The following GLYATL1B variants were observed in gnomAD, a reference collection of about 807,000 sequenced individuals.
The protein encoded by GLYATL1B is putative glycine N-acyltransferase-like protein 1B.
A neutral mutation model predicts 5.5 loss-of-function variants in GLYATL1B; 6 were observed. That is an observed-to-expected ratio of 1.09 (90% confidence interval 0.60 to 2.15). The LOEUF (loss-of-function observed/expected upper bound fraction) is 2.15, where lower values mean the gene tolerates loss of function less well. GLYATL1B is among the 30% of genes most tolerant of loss of function. The pLI, the probability that GLYATL1B is intolerant of heterozygous loss-of-function variation, is 0.00. For missense variants in GLYATL1B, 135 were observed against 94.1 expected, an observed-to-expected ratio of 1.43 and a Z score of -1.80; for synonymous variants, 67 against 34.9, an observed-to-expected ratio of 1.92 and a Z score of -3.24.
At chr11:59,091,202 C>T (rs1017140812) in intron 2 of GLYATL1B, among the ~76,000 whole-genome samples, 1 of 152,082 alleles carries the variant, frequency 6.6e-6, no homozygotes, top group Non-Finnish European at 1.5e-5. Flanking sequence ...CAGTAACTCT[C>T]TTTTTGTTAT....
At chr11:59,086,450 C>T (rs960539145) in intron 1 of GLYATL1B, 66 bp downstream of exon 1, 6 of 397,372 alleles carry the variant, frequency 1.5e-5, no homozygotes, top group African/African-American at 1.0e-4. Flanking sequence ...CTAACAGGCT[C>T]ATGAATCTCG....
chr11:59,086,436 G>T (rs1590869295), intron 1 of GLYATL1B, 52 bp downstream of exon 1: 2 of 398,060 alleles, frequency 5.0e-6, no homozygotes, highest in East Asian at 7.1e-5. Flanking sequence ...TTGAGGATGA[G>T]AAACTAACAG....
chr11:59,089,050 T>G (rs1362942474), intron 2 of GLYATL1B, among the ~76,000 whole-genome samples: 1 of 152,188 alleles, frequency 6.6e-6, no homozygotes, highest in Non-Finnish European at 1.5e-5. Context: ...CTCTCCTCCA[T>G]TCCTACCCTT....
rs1859397172 is a variant in GLYATL1B, at chr11:59,094,719, G to A, written c.842G>A (p.Gly281Asp). The A allele has an allele frequency of 4.3e-6, 2 of 460,900 alleles. No individual in the cohort carries two copies. 28.6% of individuals were successfully genotyped at this position (460,900 alleles called of 1,614,324 possible). ...QGVIRKTSAL[G>D]FLEASCQWHQ... is the part of the protein sequence containing the mutation. ...GTCATCAGAAAGACTAGTGCACTAG[G>A]TTTCCTTGAGGCCTCCTGTCAGTGG... Residue 281 changes from glycine to aspartate, a missense_variant, in exon 5 of 5, where the codon GGT (glycine) becomes GAT (aspartate). Coordinates refer to ENST00000527482, the MANE Select transcript of GLYATL1B (RefSeq NM_001355566.1).
In GLYATL1B at chr11:59,088,511, G is replaced by A. The variant is rs2848437; in HGVS notation, c.186+1340G>A. Among the ~76,000 whole-genome samples, 752 of 152,112 alleles carry A rather than the reference G, an allele frequency of 4.9e-3. 8 individuals are homozygous for A. Among genetic ancestry groups the A allele is most frequent in the African/African-American group, 0.017 (709 of 41,508 alleles). The stretch of plus-strand genomic sequence containing the variant: ...GATCTCCTGGTTTCCTGACAATTTC[G>A]GATCGATGATTAATGGTTAGTTTAC... On this transcript the variant is annotated intron_variant, in intron 2 of 4. Coordinates refer to ENST00000527482, the MANE Select transcript of GLYATL1B (RefSeq NM_001355566.1).
rs558851471 is a variant in GLYATL1B at position 59,087,315 on chromosome 11, G to A, written c.186+144G>A. 336 of 398,232 alleles carry A rather than the reference G, an allele frequency of 8.4e-4. 3 individuals carry two copies. The highest frequency in any genetic ancestry group is 1.0e-3 in the Non-Finnish European group (235 of 223,938). The allele number at this position is 398,232 out of a possible 1,614,324, so 24.7% of individuals were successfully genotyped here. A position where few individuals can be genotyped will look rare whatever the true frequency, so the allele number is the denominator to read the frequency against. On this transcript the variant is annotated intron_variant, in intron 2 of 4. Transcript: ENST00000527482. ...ACTCCTTCAGTACTGGGCAGCTTGCGTGAGTGCCACATGTTAACACTCTTC... is the reference window on the plus strand; with the variant it reads ...ACTCCTTCAGTACTGGGCAGCTTGCATGAGTGCCACATGTTAACACTCTTC...
chr11:59,086,958 G>A (rs1449865166), intron 1 of GLYATL1B, 106 bp from the exon 2 acceptor site: 1 of 443,890 alleles, frequency 2.3e-6, no homozygotes, highest in Non-Finnish European at 4.0e-6. Flanking sequence ...TCACTGACTT[G>A]GTCCCAGTAC....
chr11:59,087,165 A>G lies in GLYATL1B; in HGVS notation c.180A>G (p.Gln60=), dbSNP rs1289957635. 8 of 625,570 alleles carry G rather than the reference A, an allele frequency of 1.3e-5. No homozygotes were observed. Among genetic ancestry groups the G allele is most frequent in the Non-Finnish European group, 2.3e-5 (8 of 348,164 alleles). The allele number at this position is 625,570 out of a possible 1,614,324, so 38.8% of individuals were successfully genotyped here. The change falls in exon 2 of 5, where the codon CAA becomes CAG. Residue 60 remains glutamine, a synonymous_variant. Coordinates refer to ENST00000527482, the MANE Select transcript of GLYATL1B (RefSeq NM_001355566.1). ...PEYQMVIIRP[Q]KQEMTDDMDS... is the part of the protein sequence containing the mutation. ...ATCAGATGGTTATTATCCGACCTCA[A>G]AAACAGGTAGGCACACAGACAGGGA... is the stretch of plus-strand genomic sequence containing the variant.
chr11:59,086,803 T>C (rs966572338), intron 1 of GLYATL1B, among the ~76,000 whole-genome samples: 1 of 152,160 alleles, frequency 6.6e-6, no homozygotes, highest in Non-Finnish European at 1.5e-5. Context: ...ATCCATACAA[T>C]ATAAGTGCTA....
chr11:59,086,650 A>C (rs1048337650), intron 1 of GLYATL1B, among the ~76,000 whole-genome samples: 11 of 152,164 alleles, frequency 7.2e-5, no homozygotes, highest in Non-Finnish European at 1.2e-4. Context: ...CAGATTCAAT[A>C]AATATGCATT....
chr11:59,092,960 G>T (rs1274022376), intron 2 of GLYATL1B, among the ~76,000 whole-genome samples: 1 of 152,204 alleles, frequency 6.6e-6, no homozygotes, highest in Non-Finnish European at 1.5e-5. Context: ...GAAACAGTAG[G>T]CACTATAACT....
At chr11:59,087,879 G>C (rs1219357496) in intron 2 of GLYATL1B, among the ~76,000 whole-genome samples, 2 of 152,158 alleles carry the variant, frequency 1.3e-5, no homozygotes, top group Non-Finnish European at 2.9e-5. Flanking sequence ...TCAGGAACCA[G>C]GGAAGGGACA....
intron 2 of GLYATL1B, among the ~76,000 whole-genome samples, chr11:59,088,621 T>C: frequency 6.6e-6 from 1 of 152,258 alleles, no homozygotes; most frequent in East Asian, 1.9e-4. Context: ...AGTAACTTTG[T>C]AGTCACTATG....
At chr11:59,089,516 T>C (rs544329802) in intron 2 of GLYATL1B, among the ~76,000 whole-genome samples, 56 of 152,324 alleles carry the variant, frequency 3.7e-4, no homozygotes, top group African/African-American at 1.3e-3. Flanking sequence ...AATGTTATCC[T>C]TCTTCTACTT....
intron 2 of GLYATL1B, among the ~76,000 whole-genome samples, chr11:59,088,343 A>T (rs115863512): frequency 2.6e-5 from 4 of 152,132 alleles, no homozygotes; most frequent in Non-Finnish European, 5.9e-5. Context: ...GGCCCTAAAG[A>T]CTTCCCCTTT....
At chr11:59,089,006 TAAG>T (rs1859251110) in intron 2 of GLYATL1B, among the ~76,000 whole-genome samples, 1 of 152,198 alleles carries the variant, frequency 6.6e-6, no homozygotes, top group Admixed American at 6.5e-5. Flanking sequence ...AACATGATTT[TAAG>T]AAGTTAATAA....
rs146352689 is a variant in GLYATL1B, at chr11:59,087,362, A to T, written c.186+191A>T. ...CTTCCTGTAAAGCATAAGACTCATT[A>T]GGGAAAGGGGGTCAAGGGGGAAGGG... On this transcript the variant is annotated intron_variant, in intron 2 of 4. Transcript: ENST00000527482. 7.4e-3 allele frequency among the ~76,000 whole-genome samples: 1,117 copies of T among 150,394 alleles called. 23 individuals are homozygous for T. The highest frequency in any genetic ancestry group is 0.049 in the South Asian group (234 of 4,776).
At chr11:59,087,492 T>C (rs1859214546) in intron 2 of GLYATL1B, among the ~76,000 whole-genome samples, 1 of 152,028 alleles carries the variant, frequency 6.6e-6, no homozygotes, top group African/African-American at 2.4e-5. Context: ...AAGTTGGCTG[T>C]CTGAGATATT....
chr11:59,093,829 A>C (rs1166792225), intron 3 of GLYATL1B, 105 bp from the exon 4 acceptor site: 1 of 478,558 alleles, frequency 2.1e-6, no homozygotes, highest in Non-Finnish European at 3.7e-6. Context: ...TTGTGGTGTA[A>C]ACTCAACTTT....
Sources: gnomAD v4.1 joint callset for allele counts (sites outside exome capture counted in the v4.1 genomes callset) on GRCh38, gnomAD v4.1.1 for gene constraint, MANE v1.5 for transcripts, NCBI Gene and HGNC (gene_info 2026-07-23, HGNC 2026-07-21) for gene names.